The following PROS1 variants were observed in gnomAD, a reference collection of about 807,000 sequenced individuals.
PROS1 encodes vitamin K-dependent protein S.
A neutral mutation model predicts 75.9 loss-of-function variants in PROS1; 29 were observed. The ratio of observed to expected loss-of-function variants is 0.38; its 90% CI spans 0.28 to 0.52. The LOEUF (loss-of-function observed/expected upper bound fraction) is 0.52, where lower values mean the gene tolerates loss of function less well. PROS1 is among the 20% of genes least tolerant of loss of function. PROS1 has a pLI of 0.83. For synonymous variants in PROS1, 245 were observed against 280.6 expected (o/e 0.87, Z 1.27); for missense variants, 680 against 810.3 (o/e 0.84, Z 1.95).
Position 93,893,088 on chromosome 3 carries a change from A to G in PROS1, c.1000T>C (p.Ser334Pro). 5 of 1,614,014 alleles carry G rather than the reference A, an allele frequency of 3.1e-6. No homozygotes were observed. The highest frequency in any genetic ancestry group is 4.2e-6 in the Non-Finnish European group (5 of 1,179,946). ...TCTGCGTACAGTATCACGCCTTCTG[A>G]ATCATATGTCCGGAAATCAAATTCT... ...SAEFDFRTYD[S>P]EGVILYAESI... Residue 334 changes from serine to proline, a missense_variant, in exon 10 of 15, where the codon TCA becomes CCA. Coordinates refer to ENST00000394236, the MANE Select transcript of PROS1 (RefSeq NM_000313.4).
chr3:93,908,499 G>T (rs1313074957), intron 4 of PROS1, among the ~76,000 whole-genome samples: 5 of 152,184 alleles, frequency 3.3e-5, no homozygotes, highest in Non-Finnish European at 7.3e-5. Flanking sequence ...AAAAATGTGT[G>T]TGTATGGAAA....
At chr3:93,973,574 T>C (rs764603773) in intron 1 of PROS1, 100 bp downstream of exon 1, 112 of 1,303,258 alleles carry the variant, frequency 8.6e-5, no homozygotes, top group Non-Finnish European at 1.1e-4. Context: ...GGAAACTTTC[T>C]AGGAGGCTGC....
At chr3:93,931,191 A>T (rs1443212266) in intron 1 of PROS1, among the ~76,000 whole-genome samples, 1 of 152,200 alleles carries the variant, frequency 6.6e-6, no homozygotes, top group African/African-American at 2.4e-5. Context: ...AAGCTGAGAG[A>T]GGTGACATGA....
intron 4 of PROS1, among the ~76,000 whole-genome samples, chr3:93,909,077 GACA>G (rs1225855477): frequency 1.3e-5 from 2 of 152,142 alleles, no homozygotes; most frequent in African/African-American, 4.8e-5. Context: ...AAGCCAGAGT[GACA>G]ACATTAATAT....
At chr3:93,896,437 C>A (rs1167559818) in intron 9 of PROS1, 139 bp downstream of exon 9, 1 of 736,796 alleles carries the variant, frequency 1.4e-6, no homozygotes, top group Non-Finnish European at 2.5e-6. Flanking sequence ...TTTAGGTTTC[C>A]CCAAGTCATC....
intron 1 of PROS1, among the ~76,000 whole-genome samples, chr3:93,968,726 G>GA (rs919864346): frequency 6.6e-6 from 1 of 150,798 alleles, no homozygotes; most frequent in Non-Finnish European, 1.5e-5. Context: ...TTTACCTGCT[G>GA]AAAAAAAATA....
chr3:93,927,532 A>T, intron 1 of PROS1, 125 bp from the exon 2 acceptor site: 1 of 1,161,492 alleles, frequency 8.6e-7, no homozygotes. Flanking sequence ...AATCAGTATG[A>T]TCGAACTAAG....
At chr3:93,917,257 T>C (rs1283681507) in intron 3 of PROS1, among the ~76,000 whole-genome samples, 1 of 152,214 alleles carries the variant, frequency 6.6e-6, no homozygotes, top group African/African-American at 2.4e-5. Context: ...TCTAATGGGT[T>C]ATGTGGTTTT....
chr3:93,886,639 G>T (rs1310003303), intron 10 of PROS1, 136 bp from the exon 11 acceptor site: 8 of 725,962 alleles, frequency 1.1e-5, no homozygotes, highest in Non-Finnish European at 1.6e-5. Flanking sequence ...TTATTAATTT[G>T]TTACAACTCA....
intron 1 of PROS1, among the ~76,000 whole-genome samples, chr3:93,940,089 T>C (rs1291968033): frequency 6.6e-6 from 1 of 152,230 alleles, no homozygotes; most frequent in African/African-American, 2.4e-5. Flanking sequence ...GTGCCGGAAA[T>C]CTGGCCACTG....
intron 1 of PROS1, among the ~76,000 whole-genome samples, chr3:93,938,811 T>C (rs1266827132): frequency 6.6e-6 from 1 of 152,096 alleles, no homozygotes; most frequent in Admixed American, 6.5e-5. Context: ...GCCTGCCTGA[T>C]TATTCACCCA....
In PROS1 at chr3:93,919,123, G is replaced by A. The variant is rs540522899; in HGVS notation, c.259+5117C>T. Among the ~76,000 whole-genome samples the A allele has an allele frequency of 2.8e-4, 43 of 152,240 alleles. No individual in the cohort carries two copies. In the South Asian group the frequency reaches 8.7e-3, roughly 31 times the overall value. Reference sequence around the variant, plus strand: ...TACCTCCAACTTTCTACCTCTACAAGAAGGCGGAAAGTACATCCTCATGCA... The same window carrying A: ...TACCTCCAACTTTCTACCTCTACAAAAAGGCGGAAAGTACATCCTCATGCA... On this transcript the variant is annotated intron_variant, in intron 3 of 14. Coordinates refer to ENST00000394236, the MANE Select transcript of PROS1 (RefSeq NM_000313.4).
intron 1 of PROS1, among the ~76,000 whole-genome samples, chr3:93,935,497 G>A (rs934630499): frequency 2.8e-4 from 42 of 152,044 alleles, no homozygotes; most frequent in African/African-American, 8.0e-4. Context: ...GTTTGGAAAA[G>A]CAACAGGCAA....
At chr3:93,884,017 C>A (rs937333062) in intron 12 of PROS1, among the ~76,000 whole-genome samples, 2 of 152,142 alleles carry the variant, frequency 1.3e-5, no homozygotes, top group Non-Finnish European at 2.9e-5. Flanking sequence ...CTGGCACCAA[C>A]AAAACTTAAG....
intron 1 of PROS1, among the ~76,000 whole-genome samples, chr3:93,928,204 A>T (rs1709056275): frequency 6.7e-6 from 1 of 149,796 alleles, no homozygotes; most frequent in Non-Finnish European, 1.5e-5. Context: ...GGTGGTATGC[A>T]CTTATAGTCC....
intron 14 of PROS1, among the ~76,000 whole-genome samples, chr3:93,874,672 A>G (rs1009958685): frequency 1.3e-5 from 2 of 152,158 alleles, no homozygotes; most frequent in Non-Finnish European, 1.5e-5. Context: ...GAGGGAGAGT[A>G]GAAACAAGCA....
At chr3:93,898,327 T>G (rs1708533459) in intron 8 of PROS1, 121 bp downstream of exon 8, 7 of 1,186,138 alleles carry the variant, frequency 5.9e-6, no homozygotes, top group South Asian at 1.3e-5. Flanking sequence ...ATAACCTGCT[T>G]AAAGCTACAG....
chr3:93,892,102 G>A (rs1374216505), intron 10 of PROS1, among the ~76,000 whole-genome samples: 2 of 151,790 alleles, frequency 1.3e-5, no homozygotes, highest in African/African-American at 4.8e-5. Context: ...GGCCGAAGTG[G>A]GTGAATAGCT....
At chr3:93,916,964 T>G (rs539178058) in intron 3 of PROS1, among the ~76,000 whole-genome samples, 2 of 152,350 alleles carry the variant, frequency 1.3e-5, no homozygotes, top group East Asian at 3.9e-4. Context: ...TGTACTGGAA[T>G]TATAATGGAT....
Sources: gnomAD v4.1 joint callset for allele counts (sites outside exome capture counted in the v4.1 genomes callset) on GRCh38, gnomAD v4.1.1 for gene constraint, MANE v1.5 for transcripts, NCBI Gene and HGNC (gene_info 2026-07-23, HGNC 2026-07-21) for gene names.